Variants in VPS13D observed in about 807,000 individuals in gnomAD.
VPS13D encodes vacuolar protein sorting 13 homolog D, also known as intermembrane lipid transfer protein VPS13D.
VPS13D carries 187 observed loss-of-function variants against 461.9 expected under a neutral mutation model. The ratio of observed to expected loss-of-function variants is 0.40; its 90% CI spans 0.36 to 0.46. The LOEUF (loss-of-function observed/expected upper bound fraction) is 0.46, where lower values mean the gene tolerates loss of function less well. Among genes scored for constraint, VPS13D ranks in the 20% least tolerant of loss-of-function variants. The probability of loss-of-function intolerance (pLI) is 0.60; values close to 1 mark genes in which losing one functional copy is unlikely to be tolerated. For missense variants in VPS13D, 4,711 were observed against 5,364.9 expected, an observed-to-expected ratio of 0.88 and a Z score of 3.81; for synonymous variants, 1,951 against 1,986.3, an observed-to-expected ratio of 0.98 and a Z score of 0.47.
intron 11 of VPS13D, 76 bp downstream of exon 11, chr1:12,260,870 C>T: frequency 6.2e-7 from 1 of 1,606,480 alleles, no homozygotes; most frequent in Non-Finnish European, 8.5e-7. Context: ...TGCTTGTGCT[C>T]CTGTGGGGAA....
intron 63 of VPS13D, among the ~76,000 whole-genome samples, chr1:12,406,133 G>A (rs1272018602): frequency 2.0e-5 from 3 of 152,162 alleles, no homozygotes; most frequent in Non-Finnish European, 4.4e-5. Flanking sequence ...GGGGCACGCC[G>A]AGTGTAGTAA....
In VPS13D at chr1:12,497,614, C is replaced by T. The variant is rs1429080057; in HGVS notation, c.12777C>T (p.Asp4259=). The change falls in exon 68 of 70, where the codon GAC becomes GAT. Residue 4259 remains aspartate, a synonymous_variant. Coordinates refer to ENST00000620676, the MANE Select transcript of VPS13D (RefSeq NM_015378.4). ...AGGAGCAGCTCTTCAAACTCACAGA[C>T]AACATACAGGACGAATTGTAAGTTA... ...EGQEQLFKLT[D]NIQDEFFIAV... 2.5e-6 allele frequency: 4 copies of T among 1,613,670 alleles called. No homozygotes were observed. In the South Asian group the frequency reaches 4.4e-5, roughly 18 times the overall value.
intron 65 of VPS13D, among the ~76,000 whole-genome samples, chr1:12,418,788 T>G (rs576638342): frequency 2.0e-5 from 3 of 152,182 alleles, no homozygotes; most frequent in Admixed American, 1.3e-4. Context: ...CAATCTATTA[T>G]GAACTACAGA....
At chr1:12,374,997 G>A (rs963035112) in intron 55 of VPS13D, among the ~76,000 whole-genome samples, 1 of 152,122 alleles carries the variant, frequency 6.6e-6, no homozygotes, top group Non-Finnish European at 1.5e-5. Context: ...CTTGGCCTCC[G>A]AAAGTGCTGG....
rs778493424 is a variant in VPS13D at position 12,308,519 on chromosome 1, G to A, written c.6528G>A (p.Ser2176=). Residue 2176 remains serine (S), a synonymous_variant, in exon 27 of 70, where the codon TCG becomes TCA. Transcript: ENST00000620676. The part of the protein sequence containing the change: ...FAAERHPREY[S]KAPEDSSGDL... ...CAGAGAGACATCCGAGAGAATACTC[G>A]AAGGCACCAGAGGATAGTAGTGGAG... 1.2e-5 allele frequency: 19 copies of A among 1,613,996 alleles called. No individual in the cohort carries two copies. Among genetic ancestry groups the A allele is most frequent in the Admixed American group, 3.3e-5 (2 of 59,992 alleles).
chr1:12,293,660 C>G lies in VPS13D; in HGVS notation c.5989C>G (p.Gln1997Glu). The G allele has an allele frequency of 6.2e-7, 1 of 1,614,104 alleles. No individual in the cohort carries two copies. The highest frequency in any genetic ancestry group is 8.5e-7 in the Non-Finnish European group (1 of 1,179,994). The change falls in exon 24 of 70, where the codon CAG becomes GAG. Residue 1997 changes from glutamine to glutamate, a missense_variant. Coordinates refer to ENST00000620676, the MANE Select transcript of VPS13D (RefSeq NM_015378.4). ...VAFIQHFTQL[Q>E]DVLGRQRAAI... ...CTTCATTCAGCATTTCACTCAGCTG[C>G]AGGATGTCTTAGGGCGCCAGCGAGC...
chr1:12,477,857 G>A (rs897375156), intron 67 of VPS13D, among the ~76,000 whole-genome samples: 2 of 152,052 alleles, frequency 1.3e-5, no homozygotes, highest in Admixed American at 1.3e-4. Flanking sequence ...CCCATCTCCT[G>A]TGGAACCTGG....
intron 67 of VPS13D, chr1:12,478,993 G>A: frequency 4.6e-6 from 2 of 434,796 alleles, no homozygotes; most frequent in South Asian, 1.6e-5. Context: ...GCTACGCCCA[G>A]GTGCTAAAAC....
chr1:12,403,853 T>C lies in VPS13D; in HGVS notation c.11910T>C (p.His3970=). 6.2e-7 allele frequency: 1 copy of C among 1,603,940 alleles called. No individual in the cohort carries two copies. Among genetic ancestry groups the C allele is most frequent in the East Asian group, 2.2e-5 (1 of 44,574 alleles). The change falls in exon 63 of 70, where the codon CAT becomes CAC. Residue 3970 remains histidine (H), a synonymous_variant. Coordinates refer to ENST00000620676, the MANE Select transcript of VPS13D (RefSeq NM_015378.4). ...SEVEKYDENL[H]EKTAEQGGTP... is the part of the protein sequence containing the mutation. ...TGGAAAAATATGATGAAAACCTCCA[T>C]GAAAAGACAGCTGAGCAAGGTGGAA...
Position 12,267,219 on chromosome 1 carries a change from G to C in VPS13D, c.1725+208G>C, listed in dbSNP as rs183513. Among the ~76,000 whole-genome samples the C allele has an allele frequency of 0.077, 11,654 of 152,068 alleles. 744 individuals carry two copies. Among genetic ancestry groups the C allele is most frequent in the African/African-American group, 0.16 (6,591 of 41,434 alleles). On this transcript the variant is annotated intron_variant, in intron 14 of 69. Transcript: ENST00000620676. ...TGCACTCCTGTATTGTAGCCACCAT[G>C]GTATATTTTGCTCTGATTTGGAAGA...
At chr1:12,481,426 C>T (rs184682694) in intron 67 of VPS13D, among the ~76,000 whole-genome samples, 5 of 152,278 alleles carry the variant, frequency 3.3e-5, no homozygotes, top group Admixed American at 2.0e-4. Context: ...TTATATATAT[C>T]GATTTCCAGG....
intron 67 of VPS13D, among the ~76,000 whole-genome samples, chr1:12,496,614 C>T (rs1278350549): frequency 6.6e-6 from 1 of 152,172 alleles, no homozygotes; most frequent in East Asian, 1.9e-4. Flanking sequence ...AGTACAAGGC[C>T]GAGGACAGAC....
At chr1:12,259,844 A>G (rs1442582366) in intron 10 of VPS13D, among the ~76,000 whole-genome samples, 2 of 152,128 alleles carry the variant, frequency 1.3e-5, no homozygotes, top group Non-Finnish European at 2.9e-5. Flanking sequence ...CATGAAGTAT[A>G]AAAGAGCTAG....
chr1:12,279,872 A>T lies in VPS13D; in HGVS notation c.4602+222A>T, dbSNP rs1043093156. 6.6e-6 allele frequency among the ~76,000 whole-genome samples: 1 copy of T among 152,174 alleles called. No individual in the cohort carries two copies. The highest frequency in any genetic ancestry group is 1.5e-5 in the Non-Finnish European group (1 of 68,028). ...TTTTCATATGGAGGAGGGGTGGGTT[A>T]TCTAGAGGAAGACGGCAGATTCTTA... On this transcript the variant is annotated intron_variant, in intron 20 of 69. Coordinates refer to ENST00000620676, the MANE Select transcript of VPS13D (RefSeq NM_015378.4). The surrounding 1 kb of genome is among the most constrained non-coding windows in gnomAD (Gnocchi z 4.3).
rs527412570 is a variant in VPS13D, at chr1:12,319,779, C to G, written c.7548+149C>G. On this transcript the variant is annotated intron_variant, in intron 32 of 69. Coordinates refer to ENST00000620676, the MANE Select transcript of VPS13D (RefSeq NM_015378.4). The stretch of plus-strand genomic sequence containing the variant: ...CCTCTTTTCCTCTTTGTTTTCTCCC[C>G]AAATCTACCTGGCTATTCTAATGCA... The G allele has an allele frequency of 5.5e-5, 64 of 1,172,644 alleles. No homozygotes were observed. In the African/African-American group the frequency reaches 8.8e-4, roughly 16 times the overall value. 72.6% of individuals were successfully genotyped at this position (1,172,644 alleles called of 1,614,324 possible). A position where few individuals can be genotyped will look rare whatever the true frequency, so the allele number is the denominator to read the frequency against.
intron 10 of VPS13D, among the ~76,000 whole-genome samples, chr1:12,259,904 A>G (rs913040659): frequency 4.0e-5 from 6 of 151,826 alleles, no homozygotes; most frequent in Non-Finnish European, 7.4e-5. Flanking sequence ...AGGAAGAGCG[A>G]TAACTAGGCT....
intron 21 of VPS13D, among the ~76,000 whole-genome samples, chr1:12,284,853 G>C (rs1036220910): frequency 6.6e-6 from 1 of 152,204 alleles, no homozygotes; most frequent in African/African-American, 2.4e-5. Flanking sequence ...TCAGTGTCTG[G>C]TGAATGAATG....
At chr1:12,328,786 G>A (rs1468589080) in intron 36 of VPS13D, among the ~76,000 whole-genome samples, 3 of 152,164 alleles carry the variant, frequency 2.0e-5, no homozygotes, top group Non-Finnish European at 4.4e-5. Flanking sequence ...GGATCTGCCC[G>A]CCTCAGCCTC....
intron 36 of VPS13D, among the ~76,000 whole-genome samples, chr1:12,328,300 A>G (rs1396577760): frequency 6.6e-6 from 1 of 151,600 alleles, no homozygotes; most frequent in African/African-American, 2.4e-5. Context: ...GGGGTAAAAC[A>G]CTGTTTATAT....
Sources: allele counts gnomAD v4.1 joint callset (sites outside exome capture counted in the v4.1 genomes callset), GRCh38; gene constraint gnomAD v4.1.1; non-coding constraint Gnocchi (gnomAD v3.1); transcripts MANE v1.5; gene names NCBI Gene and HGNC (gene_info 2026-07-23, HGNC 2026-07-21).